SEMA6D: variants seen among roughly 807,000 people sequenced by gnomAD.
The protein encoded by SEMA6D is semaphorin-6D.
In SEMA6D, 35 loss-of-function variants were observed where a neutral mutation model predicts 106.6. The observed-to-expected ratio is 0.33, with a 90% CI of 0.25 to 0.44. SEMA6D has a LOEUF of 0.44. SEMA6D is among the 20% of genes least tolerant of loss of function. The pLI is 1.00. For missense variants in SEMA6D, 1,185 were observed against 1,345.9 expected, an observed-to-expected ratio of 0.88 and a Z score of 1.87; for synonymous variants, 499 against 487.7, an observed-to-expected ratio of 1.02 and a Z score of -0.31.
At chr15:47,581,325 C>A in intron 3 of SEMA6D, 1 of 487,410 alleles carries the variant, frequency 2.1e-6, no homozygotes, top group Non-Finnish European at 4.1e-6. Context: ...TTTTTAGGAA[C>A]ACATATGTCA....
chr15:47,297,601 T>C lies in SEMA6D; in HGVS notation c.-239+113183T>C, dbSNP rs148158490. On this transcript the variant is annotated intron_variant, in intron 1 of 19. Coordinates refer to the SEMA6D transcript ENST00000558014. ...ACTCAATTCCAGACACTGGCCCAGG[T>C]GCTGTGGCCACAGCAGGGACTTATA... Among the ~76,000 whole-genome samples the C allele has an allele frequency of 2.4e-3, 362 of 152,294 alleles. 3 individuals are homozygous for C. The highest frequency in any genetic ancestry group is 8.1e-3 in the African/African-American group (338 of 41,556).
intron 1 of SEMA6D, among the ~76,000 whole-genome samples, chr15:47,343,022 C>T (rs1157173311): frequency 6.6e-6 from 1 of 152,026 alleles, no homozygotes; most frequent in East Asian, 1.9e-4. Flanking sequence ...CCTCAAATTA[C>T]TTTTAAGACA....
At chr15:47,588,470 T>A (rs1285445217) in intron 3 of SEMA6D, among the ~76,000 whole-genome samples, 1 of 152,164 alleles carries the variant, frequency 6.6e-6, no homozygotes, top group Non-Finnish European at 1.5e-5. Context: ...TTTCCTCTTT[T>A]GTAAGCCATG....
chr15:47,469,318 G>GTGTGTGTGTGTA (rs1200787419), intron 2 of SEMA6D, among the ~76,000 whole-genome samples: 1 of 150,738 alleles, frequency 6.6e-6, no homozygotes, highest in African/African-American at 2.5e-5. Flanking sequence ...GTGTGTGTGT[G>GTGTGTGTGTGTA]TGTGTGTATG....
intron 3 of SEMA6D, among the ~76,000 whole-genome samples, chr15:47,471,417 T>C (rs2042833898): frequency 6.6e-6 from 1 of 152,244 alleles, no homozygotes; most frequent in South Asian, 2.1e-4. Flanking sequence ...TAAGTCATAC[T>C]TTCTTAATTG....
chr15:47,354,169 G>A (rs1398909622), intron 1 of SEMA6D, among the ~76,000 whole-genome samples: 1 of 142,708 alleles, frequency 7.0e-6, no homozygotes, highest in Non-Finnish European at 1.5e-5. Context: ...TATATGGAAT[G>A]AGAAAGCCTC....
At chr15:47,394,721 T>A (rs139328730) in intron 1 of SEMA6D, among the ~76,000 whole-genome samples, 12 of 152,322 alleles carry the variant, frequency 7.9e-5, no homozygotes, top group South Asian at 2.1e-4. Flanking sequence ...TATAAATGAT[T>A]GTCTGTCTAA....
At chr15:47,663,462 G>C (rs1452308200) in intron 4 of SEMA6D, among the ~76,000 whole-genome samples, 1 of 152,146 alleles carries the variant, frequency 6.6e-6, no homozygotes, top group African/African-American at 2.4e-5. Flanking sequence ...TTAGGATTTT[G>C]CTTTGTTTTG....
intron 2 of SEMA6D, among the ~76,000 whole-genome samples, chr15:47,418,418 A>C (rs765515545): frequency 7.2e-5 from 11 of 152,138 alleles, no homozygotes; most frequent in South Asian, 4.1e-4. Context: ...TAAGAAGTCC[A>C]AGATCAAGGC....
intron 1 of SEMA6D, chr15:47,397,691 T>C (rs192523432): frequency 6.6e-4 from 100 of 152,322 alleles, no homozygotes; most frequent in African/African-American, 2.3e-3. Context: ...ATTAAGAATA[T>C]TTAGTGTGGA....
intron 1 of SEMA6D, among the ~76,000 whole-genome samples, chr15:47,367,678 ACGCG>A (rs144860630): frequency 2.3e-4 from 31 of 137,640 alleles, no homozygotes; most frequent in African/African-American, 9.7e-4. Flanking sequence ...GCACGCTCAC[ACGCG>A]CGCGCGCGCG....
chr15:47,427,551 T>C (rs1368278139), intron 2 of SEMA6D, among the ~76,000 whole-genome samples: 3 of 152,148 alleles, frequency 2.0e-5, no homozygotes, highest in African/African-American at 7.2e-5. Flanking sequence ...ATATCTTAAA[T>C]GAATTTATTT....
chr15:47,328,216 CATA>C (rs1488803231), intron 1 of SEMA6D, among the ~76,000 whole-genome samples: 1 of 152,134 alleles, frequency 6.6e-6, no homozygotes, highest in African/African-American at 2.4e-5. Flanking sequence ...AGGCAGGAAA[CATA>C]ATATTTCTTA....
At chr15:47,391,920 T>C (rs2040048544) in intron 1 of SEMA6D, among the ~76,000 whole-genome samples, 2 of 152,176 alleles carry the variant, frequency 1.3e-5, no homozygotes, top group Non-Finnish European at 2.9e-5. Context: ...TCTTCATAGA[T>C]ATATTTACTC....
At chr15:47,488,439 C>A (rs986320011) in intron 3 of SEMA6D, among the ~76,000 whole-genome samples, 1 of 151,170 alleles carries the variant, frequency 6.6e-6, no homozygotes, top group African/African-American at 2.4e-5. Context: ...TCTTGGAGAT[C>A]TTTTCATATC....
intron 4 of SEMA6D, among the ~76,000 whole-genome samples, chr15:47,672,591 C>T (rs1305202441): frequency 6.6e-6 from 1 of 151,888 alleles, no homozygotes; most frequent in Admixed American, 6.6e-5. Flanking sequence ...ATTCTGTCAC[C>T]AGGTTGTATT....
chr15:47,499,712 G>C (rs565050434), intron 3 of SEMA6D, among the ~76,000 whole-genome samples: 39 of 152,050 alleles, frequency 2.6e-4, no homozygotes, highest in Non-Finnish European at 4.7e-4. Flanking sequence ...GGAAACAAAA[G>C]GTTCTTTAAA....
Position 47,730,281 on chromosome 15 carries a change from C to T in SEMA6D, c.-55+12589C>T, listed in dbSNP as rs1312792769. 1.8e-5 allele frequency: 27 copies of T among 1,534,864 alleles called. 1 individual carries two copies. In the East Asian group the frequency reaches 3.6e-4, roughly 20 times the overall value. Reference sequence around the variant, plus strand: ...CTGTCGTTGTAATTGGTCCTGATAGCTTCCACCAGCTTAGCCAAAGCGCCT... The same window carrying T: ...CTGTCGTTGTAATTGGTCCTGATAGTTTCCACCAGCTTAGCCAAAGCGCCT... On this transcript the variant is annotated intron_variant, in intron 1 of 18. Transcript: ENST00000536845.
rs180707539 is a variant in SEMA6D, at chr15:47,685,656, T to G, written c.-54-74089T>G. On this transcript the variant is annotated intron_variant, in intron 4 of 19. Coordinates refer to the SEMA6D transcript ENST00000558014. ...CCCATAGGGCAGGGACTTCTTTGAG[T>G]CTAGAATGGTAGGAGCATCCTGAGA... 3.1e-3 allele frequency among the ~76,000 whole-genome samples: 469 copies of G among 152,150 alleles called. 1 individual carries two copies. The highest frequency in any genetic ancestry group is 0.01 in the African/African-American group (435 of 41,520).
Sources: gnomAD v4.1 joint callset for allele counts (sites outside exome capture counted in the v4.1 genomes callset) on GRCh38, gnomAD v4.1.1 for gene constraint, MANE v1.5 for transcripts, NCBI Gene and HGNC (gene_info 2026-07-23, HGNC 2026-07-21) for gene names.